Variants in GRHL3 observed in about 807,000 individuals in gnomAD.
GRHL3 encodes grainyhead-like protein 3 homolog.
A neutral mutation model predicts 70.3 loss-of-function variants in GRHL3; 20 were observed. That is an observed-to-expected ratio of 0.28 (90% CI 0.20 to 0.41). The LOEUF is 0.41. GRHL3 is among the 10% of genes least tolerant of loss of function. The probability of loss-of-function intolerance (pLI) is 1.00; values close to 1 mark genes in which losing one functional copy is unlikely to be tolerated. For missense variants in GRHL3, 637 were observed against 762.3 expected, an observed-to-expected ratio of 0.84 and a Z score of 1.94; for synonymous variants, 299 against 299.9, an observed-to-expected ratio of 1.00 and a Z score of 0.03.
intron 14 of GRHL3, 45 bp downstream of exon 14, chr1:24,347,598 G>A (rs1640342306): frequency 7.0e-7 from 1 of 1,432,774 alleles, no homozygotes; most frequent in Non-Finnish European, 9.9e-7. Flanking sequence ...ACCCCCTCTA[G>A]GCTCCTGTCC....
chr1:24,344,493 A>G (rs1435875543), intron 11 of GRHL3, among the ~76,000 whole-genome samples: 1 of 114,090 alleles, frequency 8.8e-6, no homozygotes, highest in East Asian at 2.0e-4. Context: ...CAGAAAAAAA[A>G]AAAAAAAAAA....
intron 2 of GRHL3, among the ~76,000 whole-genome samples, chr1:24,332,297 A>C (rs1224242719): frequency 6.6e-6 from 1 of 152,004 alleles, no homozygotes; most frequent in Admixed American, 6.5e-5. Flanking sequence ...TTCCTACTCC[A>C]GCTGCCATTA....
In GRHL3 at chr1:24,334,118, G is replaced by C. The variant is rs1008280264; in HGVS notation, c.205-527G>C. Among the ~76,000 whole-genome samples, 7 of 152,102 alleles carry C rather than the reference G, an allele frequency of 4.6e-5. No individual in the cohort carries two copies. The highest frequency in any genetic ancestry group is 7.2e-5 in the African/African-American group (3 of 41,406). On this transcript the variant is annotated intron_variant, in intron 2 of 15. Transcript: ENST00000361548. This position sits in a 1 kb window ranked among gnomAD's most constrained non-coding sequence, Gnocchi z 4.3. ...GTTCTTCTTCCCACTCCCTGACTTGGGGCTCAGACTAATCATAGCTAGAGC... is the reference window on the plus strand; with the variant it reads ...GTTCTTCTTCCCACTCCCTGACTTGCGGCTCAGACTAATCATAGCTAGAGC...
At chr1:24,333,635 T>C (rs1639689603) in intron 2 of GRHL3, among the ~76,000 whole-genome samples, 1 of 152,194 alleles carries the variant, frequency 6.6e-6, no homozygotes, top group South Asian at 2.1e-4. Flanking sequence ...GATGAGGATA[T>C]GAGGAATGGA....
Position 24,336,517 on chromosome 1 carries a change from C to T in GRHL3, c.302C>T (p.Thr101Ile), listed in dbSNP as rs139478329. ...GGCATGGAATATGAGACGGACCTCA[C>T]TCCCCTTGAAAGCCCCACACACCTC... is the stretch of plus-strand genomic sequence containing the variant. ...YHGMEYETDL[T>I]PLESPTHLMK... Residue 101 changes from threonine to isoleucine, a missense_variant, in exon 4 of 16, where the codon ACT becomes ATT. Physicochemically the swap from Thr to Ile is moderately conservative, Grantham distance 89. Around this residue, in one of 2 missense-constraint regions of GRHL3, gnomAD observed 250 missense variants for 248.6 expected, o/e 1.01. Coordinates refer to ENST00000361548, the MANE Select transcript of GRHL3 (RefSeq NM_198173.3). 3.6e-5 allele frequency: 57 copies of T among 1,603,106 alleles called. No individual in the cohort carries two copies. The highest frequency in any genetic ancestry group is 1.1e-4 in the African/African-American group (8 of 74,594).
intron 12 of GRHL3, among the ~76,000 whole-genome samples, chr1:24,345,879 T>C (rs1028561580): frequency 6.6e-6 from 1 of 152,194 alleles, no homozygotes; most frequent in Non-Finnish European, 1.5e-5. Context: ...ATGAAGATCA[T>C]TTGCTGTTAT....
chr1:24,333,494 C>T (rs550238114), intron 2 of GRHL3, among the ~76,000 whole-genome samples: 1 of 152,214 alleles, frequency 6.6e-6, no homozygotes, highest in East Asian at 1.9e-4. Flanking sequence ...TTAGAATGTT[C>T]TAAGATATAA....
chr1:24,340,690 CCCTGCCTCCCTG>C (rs944138255), intron 8 of GRHL3, among the ~76,000 whole-genome samples: 3 of 152,132 alleles, frequency 2.0e-5, no homozygotes, highest in Non-Finnish European at 4.4e-5. Flanking sequence ...GGGAGCTAAC[CCCTGCCTCCCTG>C]CCTGCCTCCA....
At chr1:24,320,981 G>A (rs970869039) in intron 1 of GRHL3, among the ~76,000 whole-genome samples, 1 of 152,188 alleles carries the variant, frequency 6.6e-6, no homozygotes, top group African/African-American at 2.4e-5. Context: ...AAGGCTGGTG[G>A]AGAACACACC....
chr1:24,358,185 A>C (rs1435306925), downstream of GRHL3: 1 of 518,672 alleles, frequency 1.9e-6, no homozygotes, highest in Admixed American at 2.3e-5. Context: ...GGGTGGACTG[A>C]TCCTCCTTGA....
chr1:24,336,504 G>A lies in GRHL3; in HGVS notation c.289G>A (p.Glu97Lys). The A allele has an allele frequency of 1.3e-6, 2 of 1,591,364 alleles. No homozygotes were observed. The highest frequency in any genetic ancestry group is 2.2e-5 in the East Asian group (1 of 44,448). The stretch of plus-strand genomic sequence containing the variant: ...CAGGTACTACCATGGCATGGAATAT[G>A]AGACGGACCTCACTCCCCTTGAAAG... ...GKRYYHGMEYETDLTPLESPT... is the reference protein window; with the variant it reads ...GKRYYHGMEYKTDLTPLESPT... The change falls in exon 4 of 16, where the codon GAG becomes AAG. Residue 97 changes from glutamate (E) to lysine (K), a missense_variant. By Grantham distance (56) the Glu-to-Lys change is moderately conservative. Transcript: ENST00000361548.
chr1:24,359,407 T>C (rs151107618), downstream of GRHL3, among the ~76,000 whole-genome samples: 117 of 152,268 alleles, frequency 7.7e-4, no homozygotes, highest in African/African-American at 2.7e-3. The surrounding 1 kb of genome is among the most constrained non-coding windows in gnomAD (Gnocchi z 5.3). Context: ...GCTCACCCCT[T>C]GTATGGAGCA....
chr1:24,324,080 G>A (rs893454543), intron 1 of GRHL3, among the ~76,000 whole-genome samples: 2 of 152,138 alleles, frequency 1.3e-5, no homozygotes, highest in South Asian at 2.1e-4. Context: ...TGGCACCCCC[G>A]GGTTTACAGG....
At chr1:24,356,057 C>T (rs761017844), downstream of GRHL3, among the ~76,000 whole-genome samples, 254 of 150,918 alleles carry the variant, frequency 1.7e-3, 1 homozygote, top group Non-Finnish European at 1.6e-3. Context: ...CCTGACACCA[C>T]GCTTGGCTAA....
chr1:24,343,052 A>G (rs1640112301), intron 11 of GRHL3, 27 bp downstream of exon 11: 3 of 1,613,518 alleles, frequency 1.9e-6, no homozygotes, highest in Non-Finnish European at 2.5e-6. Flanking sequence ...GGTCTCGGGA[A>G]GGAGCCGAGA....
chr1:24,354,727 C>T lies in GRHL3; in HGVS notation c.*239C>T. ...TCCCTGAACTTCCTGCCAGTGCCTC[C>T]CCGTACCCCAAAACAATGTCACCAT... is the stretch of plus-strand genomic sequence containing the variant. On this transcript the variant is annotated 3_prime_UTR_variant, in exon 16 of 16. Transcript: ENST00000361548. 2 of 433,458 alleles carry T rather than the reference C, an allele frequency of 4.6e-6. No homozygotes were observed. Among genetic ancestry groups the T allele is most frequent in the South Asian group, 5.4e-5 (2 of 37,006 alleles). The allele number at this position is 433,458 out of a possible 1,614,324, so 26.9% of individuals were successfully genotyped here.
intron 15 of GRHL3, chr1:24,360,957 G>C (rs199849506): frequency 6.8e-6 from 11 of 1,614,080 alleles, no homozygotes; most frequent in African/African-American, 1.3e-5. Flanking sequence ...AGTAGTCCAC[G>C]ATCTCATACT....
chr1:24,342,717 T>C lies in GRHL3; in HGVS notation c.1230T>C (p.Asp410=), dbSNP rs771587963. 6.2e-7 allele frequency: 1 copy of C among 1,614,210 alleles called. No homozygotes were observed. Among genetic ancestry groups the C allele is most frequent in the Non-Finnish European group, 8.5e-7 (1 of 1,180,040 alleles). ...AGGGAGCTGAGAGGAAGATGCGCGA[T>C]GACGAGCGGAAGCAGTTCCGGAGGA... ...CDKGAERKMR[D]DERKQFRRKV... The change falls in exon 10 of 16, where the codon GAT becomes GAC. Residue 410 remains aspartate, a synonymous_variant. Coordinates refer to ENST00000361548, the MANE Select transcript of GRHL3 (RefSeq NM_198173.3). This position sits in a 1 kb window ranked among gnomAD's most constrained non-coding sequence, Gnocchi z 4.8.
At chr1:24,345,977 A>G (rs1194459429) in intron 12 of GRHL3, among the ~76,000 whole-genome samples, 2 of 152,142 alleles carry the variant, frequency 1.3e-5, no homozygotes, top group Non-Finnish European at 2.9e-5. Flanking sequence ...CAACAGCCTC[A>G]GAGTTAGGCA....
Sources: gnomAD v4.1 joint callset for allele counts (sites outside exome capture counted in the v4.1 genomes callset) on GRCh38, gnomAD v4.1.1 for gene constraint, gnomAD v4.1.1 regional missense constraint, Gnocchi (gnomAD v3.1) non-coding constraint, MANE v1.5 for transcripts, NCBI Gene and HGNC (gene_info 2026-07-23, HGNC 2026-07-21) for gene names.